The following THBS3 variants were observed in gnomAD, a reference collection of about 807,000 sequenced individuals.
The protein encoded by THBS3 is thrombospondin 3.
A neutral mutation model predicts 118.3 loss-of-function variants in THBS3; 78 were observed. The ratio of observed to expected loss-of-function variants is 0.66; its 90% CI spans 0.55 to 0.80. The LOEUF is 0.80. THBS3 is among the 30% of genes least tolerant of loss of function. The probability of loss-of-function intolerance (pLI) is 0.00; values close to 1 mark genes in which losing one functional copy is unlikely to be tolerated. For synonymous variants in THBS3, 427 were observed against 475.3 expected (o/e 0.90, Z 1.32); for missense variants, 1,057 against 1,247.4 (o/e 0.85, Z 2.30).
chr1:155,204,778 G>C (rs1240732224), intron 4 of THBS3, 77 bp downstream of exon 4: 2 of 1,300,092 alleles, frequency 1.5e-6, no homozygotes, highest in Non-Finnish European at 2.2e-6. Flanking sequence ...TTAAGGGAGA[G>C]GGAGATCAAG....
Position 155,197,780 on chromosome 1 carries a change from C to G in THBS3, c.2302+100G>C. 1 of 1,594,984 alleles carries G rather than the reference C, an allele frequency of 6.3e-7. No homozygotes were observed. The highest frequency in any genetic ancestry group is 8.6e-7 in the Non-Finnish European group (1 of 1,164,238). On this transcript the variant is annotated intron_variant, in intron 19 of 22. Transcript: ENST00000368378. The surrounding 1 kb of genome is among the most constrained non-coding windows in gnomAD (Gnocchi z 5.0). The stretch of plus-strand genomic sequence containing the variant: ...CAGCTTGTGCCACTGCCTTCTCTCT[C>G]GCCACTTTGCCCATTCTCCCTGTCT...
At position 155,202,673 on chromosome 1, in the gene THBS3, C is replaced by A; in HGVS notation, c.957+139G>T. The A allele has an allele frequency of 7.8e-7, 1 of 1,285,726 alleles. No individual in the cohort carries two copies. The allele number at this position is 1,285,726 out of a possible 1,614,324, so 79.6% of individuals were successfully genotyped here. On this transcript the variant is annotated intron_variant, in intron 8 of 22. Coordinates refer to ENST00000368378, the MANE Select transcript of THBS3 (RefSeq NM_007112.5). The surrounding 1 kb of genome is among the most constrained non-coding windows in gnomAD (Gnocchi z 5.5). ...GCCCCAGGCCTTCTGTCTCTCCCAT[C>A]TTGCATTTCTCTTGCCTCTGACCTC...
rs747222760 is a variant in THBS3, at chr1:155,202,890, G to A, written c.879C>T (p.Tyr293=). The A allele has an allele frequency of 5.6e-6, 9 of 1,613,744 alleles. No homozygotes were observed. Among genetic ancestry groups the A allele is most frequent in the South Asian group, 3.3e-5 (3 of 91,090 alleles). Residue 293 remains tyrosine, a synonymous_variant, in exon 8 of 23, where the codon TAC becomes TAT. Transcript: ENST00000368378. This position sits in a 1 kb window ranked among gnomAD's most constrained non-coding sequence, Gnocchi z 5.5. ...CFRGVDCMEV[Y]EYPGYRCGPC... ...GCCCACAGCGGTAGCCTGGGTACTC[G>A]TACACTTCCATGCAGTCCACACCTC... is the stretch of plus-strand genomic sequence containing the variant.
Position 155,205,284 on chromosome 1 carries a change from CTTTG to C in THBS3, c.315_318del (p.Lys106SerfsTer4). On this transcript the variant is annotated frameshift_variant, in exon 3 of 23. Transcript: ENST00000368378. LOFTEE classifies it high-confidence loss of function. ...GCTTGCTGTAGGTTCACGGCGTGGA[CTTTG>C]CCATCCTCCCGCTGGTATCGCACCA... The C allele has an allele frequency of 6.2e-7, 1 of 1,614,020 alleles. No homozygotes were observed. Among genetic ancestry groups the C allele is most frequent in the South Asian group, 1.1e-5 (1 of 91,082 alleles).
chr1:155,207,947 G>A, upstream of THBS3: 1 of 1,413,134 alleles, frequency 7.1e-7, no homozygotes, highest in Non-Finnish European at 9.6e-7. Flanking sequence ...GGAGAGAGCA[G>A]GAGCCGGGGG....
Position 155,200,848 on chromosome 1 carries a change from C to T in THBS3, c.1548+49G>A, listed in dbSNP as rs550188877. 83 of 1,613,724 alleles carry T rather than the reference C, an allele frequency of 5.1e-5. No homozygotes were observed. The South Asian group carries it at 6.8e-4, about 13-fold the overall frequency. On this transcript the variant is annotated intron_variant, in intron 13 of 22. Transcript: ENST00000368378. ...TGAGGTAAGTGAGGCACAGAGAGGA[C>T]AGGAGGAGGGGAGAGGAGCTTCAAG...
rs779972761 is a variant in THBS3 at position 155,205,052 on chromosome 1, C to T, written c.543+8G>A. The T allele has an allele frequency of 1.2e-5, 20 of 1,612,718 alleles. No homozygotes were observed. Among genetic ancestry groups the T allele is most frequent in the East Asian group, 2.2e-5 (1 of 44,836 alleles). ...TTCCACAGAACTCAGAGGCTCCTCC[C>T]GGCTCACCTGCATCCTCAAATACGC... On this transcript the variant is annotated splice_region_variant and intron_variant, in intron 3 of 22. Transcript: ENST00000368378.
At position 155,205,320 on chromosome 1, in the gene THBS3, C is replaced by T. The variant is rs770334965; in HGVS notation, c.287-4G>A. On this transcript the variant is annotated splice_polypyrimidine_tract_variant and splice_region_variant and intron_variant, in intron 2 of 22. Coordinates refer to ENST00000368378, the MANE Select transcript of THBS3 (RefSeq NM_007112.5). The stretch of plus-strand genomic sequence containing the variant: ...TCCCGCTGGTATCGCACCAGTACTG[C>T]CCAGGAGGGGAGATCAGTATGGGCG... 1.7e-5 allele frequency: 28 copies of T among 1,612,678 alleles called. 1 individual carries two copies. Among genetic ancestry groups the T allele is most frequent in the South Asian group, 1.4e-4 (13 of 91,068 alleles).
chr1:155,196,436 A>T (rs1668687632), intron 21 of THBS3: 1 of 409,374 alleles, frequency 2.4e-6, no homozygotes. Flanking sequence ...CCCAGGCTCT[A>T]GTCCACCCCC....
chr1:155,199,405 G>A (rs796512015), intron 16 of THBS3, among the ~76,000 whole-genome samples: 10 of 105,958 alleles, frequency 9.4e-5, no homozygotes, highest in African/African-American at 2.4e-4. Context: ...GCAAGACTCC[G>A]TCTCAAAAAA....
At chr1:155,209,113 C>A (rs988942034), upstream of THBS3, 16 of 1,542,786 alleles carry the variant, frequency 1.0e-5, no homozygotes, top group Admixed American at 1.2e-4. Flanking sequence ...CCAGTCGGGC[C>A]AGAAGAAGCC....
chr1:155,207,954 G>A (rs1315369156), upstream of THBS3: 16 of 1,332,324 alleles, frequency 1.2e-5, no homozygotes, highest in Admixed American at 2.1e-5. Flanking sequence ...GCAGGAGCCG[G>A]GGGGCGGAGG....
Position 155,200,925 on chromosome 1 carries a change from G to C in THBS3, c.1520C>G (p.Ala507Gly). The part of the protein sequence containing the change: ...DGVGDQCDDD[A>G]DGDGIKNVED... ...AACATTCTTGATCCCATCCCCATCAGCATCATCATCACACTGGTCCCCCAC... is the reference window on the plus strand; with the variant it reads ...AACATTCTTGATCCCATCCCCATCACCATCATCATCACACTGGTCCCCCAC... The change falls in exon 13 of 23, where the codon GCT (alanine) becomes GGT (glycine). Residue 507 changes from alanine to glycine, a missense_variant. Around this residue, in one of 3 missense-constraint regions of THBS3, gnomAD observed 544 missense variants for 715.6 expected, o/e 0.76. Coordinates refer to ENST00000368378, the MANE Select transcript of THBS3 (RefSeq NM_007112.5). 4.3e-6 allele frequency: 7 copies of C among 1,614,074 alleles called. No homozygotes were observed. The highest frequency in any genetic ancestry group is 5.9e-6 in the Non-Finnish European group (7 of 1,180,004).
In THBS3 at chr1:155,206,331, G is replaced by T. The variant is rs745414493; in HGVS notation, c.155C>A (p.Thr52Asn). Residue 52 changes from threonine (T) to asparagine (N), a missense_variant, in exon 2 of 23, where the codon ACT becomes AAT. Physicochemically the swap from Thr to Asn is moderately conservative, Grantham distance 65. Around this residue, in one of 3 missense-constraint regions of THBS3, gnomAD observed 206 missense variants for 205.7 expected, o/e 1.00. Coordinates refer to ENST00000368378, the MANE Select transcript of THBS3 (RefSeq NM_007112.5). The surrounding 1 kb of genome is among the most constrained non-coding windows in gnomAD (Gnocchi z 4.2). ...GGATAAGAGGTAGATGTCCCCAGCA[G>T]TGAGCAAGGCTGTCCGGATCTTCTC... ...VAEKIRTALL[T>N]AGDIYLLSTF... 109 of 1,614,082 alleles carry T rather than the reference G, an allele frequency of 6.8e-5. 1 individual carries two copies. The South Asian group carries it at 1.1e-3, about 17-fold the overall frequency.
intron 10 of THBS3, 94 bp from the exon 11 acceptor site, chr1:155,201,663 C>T: frequency 7.3e-7 from 1 of 1,377,368 alleles, no homozygotes; most frequent in East Asian, 2.5e-5. Flanking sequence ...GGGCTGGGCA[C>T]TCAGTTATGC....
chr1:155,204,602 C>T (rs1037708715), intron 4 of THBS3, among the ~76,000 whole-genome samples: 3 of 150,158 alleles, frequency 2.0e-5, no homozygotes, highest in East Asian at 4.0e-4. Flanking sequence ...AAAAAAAATA[C>T]TCGAGACCAG....
At chr1:155,208,224 C>A (rs891158661), upstream of THBS3, among the ~76,000 whole-genome samples, 5 of 152,220 alleles carry the variant, frequency 3.3e-5, no homozygotes, top group African/African-American at 1.2e-4. Flanking sequence ...AGGCAAGAAC[C>A]CCTGGCAGGG....
upstream of THBS3, chr1:155,209,010 C>A: frequency 6.3e-7 from 1 of 1,590,454 alleles, no homozygotes; most frequent in Non-Finnish European, 8.5e-7. Context: ...CGCGCCGGGC[C>A]GACAGCGCTG....
rs149267798 is a variant in THBS3 at position 155,200,942 on chromosome 1, G to A, written c.1503C>T (p.Asp501=). The A allele has an allele frequency of 8.7e-4, 1,400 of 1,613,960 alleles. No individual in the cohort carries two copies. The highest frequency in any genetic ancestry group is 1.1e-3 in the Non-Finnish European group (1,335 of 1,180,022). Residue 501 remains aspartate (D), a synonymous_variant, in exon 13 of 23, where the codon GAC becomes GAT. Coordinates refer to ENST00000368378, the MANE Select transcript of THBS3 (RefSeq NM_007112.5). The part of the protein sequence containing the change: ...QEDADNDGVG[D]QCDDDADGDG... ...CCCCATCAGCATCATCATCACACTG[G>A]TCCCCCACACCATCATTATCAGCAT...
Sources: allele counts gnomAD v4.1 joint callset (sites outside exome capture counted in the v4.1 genomes callset), GRCh38; gene constraint gnomAD v4.1.1; regional missense constraint gnomAD v4.1.1; non-coding constraint Gnocchi (gnomAD v3.1); transcripts MANE v1.5; gene names NCBI Gene and HGNC (gene_info 2026-07-23, HGNC 2026-07-21).